The following CSMD1 variants were observed in gnomAD, a reference collection of about 807,000 sequenced individuals.
CSMD1 encodes CUB and Sushi multiple domains 1.
A neutral mutation model predicts 417.5 loss-of-function variants in CSMD1; 213 were observed. The ratio of observed to expected loss-of-function variants is 0.51; its 90% CI spans 0.46 to 0.57. The LOEUF (loss-of-function observed/expected upper bound fraction) is 0.57, where lower values mean the gene tolerates loss of function less well. CSMD1 is among the 20% of genes least tolerant of loss of function. CSMD1 has a pLI of 0.00. For synonymous variants in CSMD1, 2,862 were observed against 1,736.8 expected (o/e 1.65, Z -16.11); for missense variants, 6,923 against 4,529.7 (o/e 1.53, Z -15.17).
intron 10 of CSMD1, among the ~76,000 whole-genome samples, chr8:3,531,365 T>TA (rs1371845773): frequency 6.6e-6 from 1 of 152,192 alleles, no homozygotes; most frequent in African/African-American, 2.4e-5. Context: ...ATGCGGCATT[T>TA]GCTCAGATGT....
At chr8:4,050,656 C>G (rs562774996) in intron 3 of CSMD1, among the ~76,000 whole-genome samples, 4 of 152,040 alleles carry the variant, frequency 2.6e-5, no homozygotes, top group African/African-American at 9.7e-5. Flanking sequence ...CTTATTCGTT[C>G]TCTTTTTTTG....
intron 5 of CSMD1, among the ~76,000 whole-genome samples, chr8:3,954,841 G>A (rs1051201588): frequency 3.9e-5 from 6 of 152,206 alleles, no homozygotes; most frequent in African/African-American, 1.4e-4. Flanking sequence ...GTGGCAGGGA[G>A]TTACATGCAT....
rs557596407 is a variant in CSMD1 at position 4,610,262 on chromosome 8, G to C, written c.302+27080C>G. On this transcript the variant is annotated intron_variant, in intron 2 of 69. Coordinates refer to ENST00000635120, the MANE Select transcript of CSMD1 (RefSeq NM_033225.6). The stretch of plus-strand genomic sequence containing the variant: ...ATCCTTCATAGAGATCAAGTGGGAA[G>C]TTCGTGAAACTGACTATTGGATCCA... Among the ~76,000 whole-genome samples the C allele has an allele frequency of 5.3e-5, 8 of 152,280 alleles. No individual in the cohort carries two copies. In the East Asian group the frequency reaches 1.5e-3, roughly 29 times the overall value.
rs748285943 is a variant in CSMD1 at position 3,261,014 on chromosome 8, C to CA, written c.4153+23129dup. Among the ~76,000 whole-genome samples the CA allele has an allele frequency of 3.1e-3, 467 of 151,582 alleles. 4 individuals carry two copies. The highest frequency in any genetic ancestry group is 4.1e-3 in the Non-Finnish European group (277 of 67,820). On this transcript the variant is annotated intron_variant, in intron 26 of 69. Transcript: ENST00000635120. ...AACAACAACAACAACAAACAAATAC[C>CA]AAAAAAAACCTTTCACTGTAGAGGA...
chr8:3,241,433 C>A (rs1034245538), intron 26 of CSMD1, among the ~76,000 whole-genome samples: 1 of 152,152 alleles, frequency 6.6e-6, no homozygotes, highest in African/African-American at 2.4e-5. Context: ...AGCTCGGCAT[C>A]TGTGTTGGTC....
chr8:4,267,833 A>G (rs1271702957), intron 3 of CSMD1, among the ~76,000 whole-genome samples: 1 of 152,158 alleles, frequency 6.6e-6, no homozygotes, highest in East Asian at 1.9e-4. Context: ...TAAAGTGTAT[A>G]TAATTTAGCT....
At chr8:4,093,877 T>A (rs754804065) in intron 3 of CSMD1, among the ~76,000 whole-genome samples, 13 of 152,010 alleles carry the variant, frequency 8.6e-5, no homozygotes, top group Non-Finnish European at 1.5e-4. Flanking sequence ...GGAGAATCAC[T>A]TGAACGCAGG....
intron 1 of CSMD1, among the ~76,000 whole-genome samples, chr8:4,880,992 A>G (rs1563662632): frequency 6.6e-6 from 1 of 152,064 alleles, no homozygotes; most frequent in Non-Finnish European, 1.5e-5. Context: ...ACCAGTAATG[A>G]GGCCTTTCCT....
chr8:3,861,090 C>T (rs138325562), intron 5 of CSMD1, among the ~76,000 whole-genome samples: 3 of 152,284 alleles, frequency 2.0e-5, no homozygotes, highest in Admixed American at 6.5e-5. Flanking sequence ...ATGCCAACTT[C>T]TAGTGAGCTC....
intron 41 of CSMD1, among the ~76,000 whole-genome samples, chr8:3,131,159 T>C (rs113410337): frequency 2.6e-5 from 4 of 152,128 alleles, no homozygotes; most frequent in African/African-American, 9.7e-5. Context: ...CCTACAAAAG[T>C]GCGATAAAGC....
chr8:4,473,518 G>C (rs893783688), intron 2 of CSMD1, among the ~76,000 whole-genome samples: 1 of 152,126 alleles, frequency 6.6e-6, no homozygotes, highest in African/African-American at 2.4e-5. Flanking sequence ...TCTTGCACCT[G>C]CTTTGCAATT....
At chr8:4,259,218 T>A (rs1289951567) in intron 3 of CSMD1, among the ~76,000 whole-genome samples, 1 of 152,128 alleles carries the variant, frequency 6.6e-6, no homozygotes, top group Admixed American at 6.6e-5. Context: ...GGCTTTCAAA[T>A]CGCAGAGAGA....
At chr8:4,362,002 C>T (rs1012139694) in intron 3 of CSMD1, among the ~76,000 whole-genome samples, 1 of 151,490 alleles carries the variant, frequency 6.6e-6, no homozygotes, top group Non-Finnish European at 1.5e-5. Flanking sequence ...AGTTTCCTAT[C>T]CTTAGATTAA....
chr8:3,123,523 ATTC>A (rs1286799150), intron 41 of CSMD1, among the ~76,000 whole-genome samples: 1 of 152,150 alleles, frequency 6.6e-6, no homozygotes, highest in Non-Finnish European at 1.5e-5. Context: ...TTCATTTCTC[ATTC>A]TTGTTTTGCT....
At chr8:3,773,106 T>A (rs1169219198) in intron 5 of CSMD1, among the ~76,000 whole-genome samples, 1 of 152,188 alleles carries the variant, frequency 6.6e-6, no homozygotes, top group African/African-American at 2.4e-5. Context: ...ACGAGGGCTC[T>A]GTCCTCACAA....
At chr8:3,784,030 A>G (rs1411817987) in intron 5 of CSMD1, among the ~76,000 whole-genome samples, 1 of 152,226 alleles carries the variant, frequency 6.6e-6, no homozygotes, top group Non-Finnish European at 1.5e-5. Context: ...ATCGTACAAC[A>G]TGCCTGACAG....
At chr8:3,386,727 T>C (rs1405289672) in intron 18 of CSMD1, among the ~76,000 whole-genome samples, 1 of 152,200 alleles carries the variant, frequency 6.6e-6, no homozygotes, top group Admixed American at 6.5e-5. Flanking sequence ...ATAGAAACAA[T>C]GTTTCCTGGA....
At chr8:3,893,898 G>A (rs1188645333) in intron 5 of CSMD1, among the ~76,000 whole-genome samples, 3 of 152,086 alleles carry the variant, frequency 2.0e-5, no homozygotes, top group Non-Finnish European at 4.4e-5. Context: ...ATGTTAATGA[G>A]ACATGCAATT....
intron 2 of CSMD1, among the ~76,000 whole-genome samples, chr8:4,627,195 G>GGAT: frequency 6.6e-6 from 1 of 152,044 alleles, no homozygotes; most frequent in East Asian, 1.9e-4. Context: ...TACTCTTAGA[G>GGAT]GTTGAAAGGA....
Sources: allele counts gnomAD v4.1 joint callset (sites outside exome capture counted in the v4.1 genomes callset), GRCh38; gene constraint gnomAD v4.1.1; transcripts MANE v1.5; gene names NCBI Gene and HGNC (gene_info 2026-07-23, HGNC 2026-07-21).